The following INPP4B variants were observed in gnomAD, a reference collection of about 807,000 sequenced individuals.
INPP4B encodes inositol polyphosphate-4-phosphatase type II B.
INPP4B carries 55 observed loss-of-function variants against 122.5 expected under a neutral mutation model. The ratio of observed to expected loss-of-function variants is 0.45; its 90% CI spans 0.36 to 0.56. The LOEUF (loss-of-function observed/expected upper bound fraction) is 0.56. Ranked by LOEUF, INPP4B falls within the 20% of genes least tolerant of loss-of-function variation. The pLI, the probability that INPP4B is intolerant of heterozygous loss-of-function variation, is 0.00. For synonymous variants in INPP4B, 403 were observed against 388.7 expected, an observed-to-expected ratio of 1.04 and a Z score of -0.43; for missense variants, 1,000 against 1,097.7, an observed-to-expected ratio of 0.91 and a Z score of 1.26.
intron 9 of INPP4B, among the ~76,000 whole-genome samples, chr4:142,299,888 T>A (rs535497329): frequency 3.0e-4 from 46 of 152,246 alleles, no homozygotes; most frequent in African/African-American, 1.1e-3. Flanking sequence ...TGGATATGAT[T>A]TTTTAAAGTC....
At chr4:142,202,771 A>G (rs1268411151) in intron 14 of INPP4B, 2 of 985,182 alleles carry the variant, frequency 2.0e-6, no homozygotes, top group Admixed American at 6.2e-5. Flanking sequence ...AGATATCTGA[A>G]AAACAACAAA....
rs370328094 is a variant in INPP4B, at chr4:142,160,489, G to T, written c.1432C>A (p.Pro478Thr). ...SALLALYTAR[P>T]GGILKKPPSP... ...GGTGGCTTCTTAAGAATGCCTCCTG[G>T]CCTTGCAGTGTAGAGTGCTAAAAGA... The change falls in exon 17 of 26, where the codon CCA becomes ACA. Residue 478 changes from proline (P) to threonine (T), a missense_variant. Coordinates refer to ENST00000262992, the MANE Select transcript of INPP4B (RefSeq NM_001101669.3). The T allele has an allele frequency of 8.7e-6, 14 of 1,612,468 alleles. No individual in the cohort carries two copies. Among genetic ancestry groups the T allele is most frequent in the African/African-American group, 1.3e-5 (1 of 74,812 alleles).
intron 3 of INPP4B, among the ~76,000 whole-genome samples, chr4:142,457,688 C>G (rs927320082): frequency 1.3e-5 from 2 of 152,172 alleles, no homozygotes; most frequent in Admixed American, 1.3e-4. Context: ...ATGTATGGAT[C>G]TCTCATACAC....
chr4:142,073,402 G>T (rs1294747222), intron 25 of INPP4B, among the ~76,000 whole-genome samples: 1 of 152,032 alleles, frequency 6.6e-6, no homozygotes, highest in Non-Finnish European at 1.5e-5. Flanking sequence ...AAATACAGTT[G>T]CCTCCCAGTT....
At chr4:142,218,936 G>C (rs1187375960) in intron 12 of INPP4B, among the ~76,000 whole-genome samples, 1 of 152,124 alleles carries the variant, frequency 6.6e-6, no homozygotes, top group East Asian at 1.9e-4. Context: ...ACTGAGCAAA[G>C]TTCAACTGGA....
intron 1 of INPP4B, among the ~76,000 whole-genome samples, chr4:142,830,044 A>G (rs1212315765): frequency 2.0e-5 from 3 of 152,184 alleles, no homozygotes; most frequent in Non-Finnish European, 4.4e-5. Context: ...TTTAAGCTCT[A>G]TTGAAAGACA....
chr4:142,434,461 CG>C (rs968774316), intron 3 of INPP4B, among the ~76,000 whole-genome samples: 2 of 152,062 alleles, frequency 1.3e-5, no homozygotes, highest in African/African-American at 4.8e-5. Flanking sequence ...AACTTTCTAC[CG>C]GGGGTGGAAG....
At chr4:142,404,741 C>CG (rs71586286) in intron 6 of INPP4B, among the ~76,000 whole-genome samples, 1 of 151,778 alleles carries the variant, frequency 6.6e-6, no homozygotes, top group African/African-American at 2.4e-5. Context: ...TAAAGAATAC[C>CG]GGGGGGAAAA....
At chr4:142,206,264 G>A (rs1842549340) in intron 14 of INPP4B, among the ~76,000 whole-genome samples, 1 of 151,874 alleles carries the variant, frequency 6.6e-6, no homozygotes, top group African/African-American at 2.4e-5. Context: ...TGTTGCACTG[G>A]GGATTAAGTT....
intron 11 of INPP4B, among the ~76,000 whole-genome samples, chr4:142,245,183 T>A (rs983715954): frequency 1.3e-5 from 2 of 152,202 alleles, no homozygotes; most frequent in Non-Finnish European, 2.9e-5. Context: ...CTGTTCACTC[T>A]GATGATAGTT....
At chr4:142,720,419 G>T (rs561609075) in intron 2 of INPP4B, among the ~76,000 whole-genome samples, 29 of 151,880 alleles carry the variant, frequency 1.9e-4, no homozygotes, top group Middle Eastern at 3.4e-3. Context: ...TTACCCAGTG[G>T]GGTATGGTTC....
chr4:142,574,957 G>A (rs1040600073), intron 2 of INPP4B, among the ~76,000 whole-genome samples: 9 of 152,062 alleles, frequency 5.9e-5, no homozygotes, highest in Non-Finnish European at 1.3e-4. Flanking sequence ...ATGAATGAAT[G>A]AAAATGTAGG....
In INPP4B at chr4:142,673,562, C is replaced by T. The variant is rs542764844; in HGVS notation, c.-191+52277G>A. On this transcript the variant is annotated intron_variant, in intron 2 of 25. Coordinates refer to ENST00000262992, the MANE Select transcript of INPP4B (RefSeq NM_001101669.3). ...CCACCCAATGTTAACGGTAAATACA[C>T]AAGTGCAGTAGTGTACCTTGGCCTG... Among the ~76,000 whole-genome samples, 5 of 152,164 alleles carry T rather than the reference C, an allele frequency of 3.3e-5. No individual in the cohort carries two copies. The Middle Eastern group carries it at 0.014, about 414-fold the overall frequency.
At chr4:142,342,782 C>T (rs1447260502) in intron 7 of INPP4B, among the ~76,000 whole-genome samples, 2 of 152,104 alleles carry the variant, frequency 1.3e-5, no homozygotes, top group Non-Finnish European at 2.9e-5. Context: ...TCTGAACTAT[C>T]TTGTTTACTG....
At chr4:142,649,779 T>C (rs1752552189) in intron 2 of INPP4B, among the ~76,000 whole-genome samples, 1 of 152,158 alleles carries the variant, frequency 6.6e-6, no homozygotes, top group Admixed American at 6.5e-5. Context: ...GGATCCAAGT[T>C]GAAAAACGCT....
intron 6 of INPP4B, among the ~76,000 whole-genome samples, chr4:142,404,916 G>C (rs1343003096): frequency 6.7e-6 from 1 of 149,798 alleles, no homozygotes; most frequent in Non-Finnish European, 1.5e-5. Context: ...TCTATCTTTG[G>C]GAGAAAAATA....
intron 5 of INPP4B, among the ~76,000 whole-genome samples, chr4:142,406,904 TGG>T (rs1273150606): frequency 1.6e-4 from 24 of 152,316 alleles, no homozygotes; most frequent in African/African-American, 5.5e-4. Context: ...TAGAATTCTC[TGG>T]TAGCTTACAT....
chr4:142,749,667 C>T (rs1769350242), intron 1 of INPP4B, among the ~76,000 whole-genome samples: 1 of 151,816 alleles, frequency 6.6e-6, no homozygotes, highest in South Asian at 2.1e-4. Flanking sequence ...AATAGGATTA[C>T]AAGAACAACA....
chr4:142,228,194 T>C (rs2149802048), intron 12 of INPP4B, among the ~76,000 whole-genome samples: 1 of 152,012 alleles, frequency 6.6e-6, no homozygotes, highest in Admixed American at 6.5e-5. Flanking sequence ...ATGCAGTCCA[T>C]GCAGGAAGTC....
Sources: allele counts gnomAD v4.1 joint callset (sites outside exome capture counted in the v4.1 genomes callset), GRCh38; gene constraint gnomAD v4.1.1; transcripts MANE v1.5; gene names NCBI Gene and HGNC (gene_info 2026-07-23, HGNC 2026-07-21).